Variants in C11orf65 observed in about 807,000 individuals in gnomAD.
C11orf65 encodes chromosome 11 open reading frame 65, also known as protein MFI.
Under a neutral mutation model 35.3 loss-of-function variants are expected in C11orf65, and 38 were observed. The ratio of observed to expected loss-of-function variants is 1.08; its 90% CI spans 0.83 to 1.41. The LOEUF (loss-of-function observed/expected upper bound fraction) is 1.41. Ranked by LOEUF, C11orf65 falls within the 40% of genes most tolerant of loss-of-function variation. The pLI, the probability that C11orf65 is intolerant of heterozygous loss-of-function variation, is 0.00. For missense variants in C11orf65, 370 were observed against 367.1 expected (o/e 1.01, Z -0.06); for synonymous variants, 105 against 114.4 (o/e 0.92, Z 0.53).
intron 2 of C11orf65, among the ~76,000 whole-genome samples, chr11:108,451,611 C>A (rs1262310478): frequency 2.0e-5 from 3 of 151,994 alleles, no homozygotes; most frequent in Middle Eastern, 3.2e-3. Flanking sequence ...ATGCCATCCC[C>A]ATCAAGCTAC....
chr11:108,410,301 T>C (rs1307408366), intron 3 of C11orf65, among the ~76,000 whole-genome samples: 1 of 152,240 alleles, frequency 6.6e-6, no homozygotes, highest in Non-Finnish European at 1.5e-5. Flanking sequence ...TGACTAACCA[T>C]GCTGAGCACC....
intron 2 of C11orf65, among the ~76,000 whole-genome samples, chr11:108,376,665 C>T (rs1162650028): frequency 2.0e-5 from 3 of 151,864 alleles, no homozygotes; most frequent in South Asian, 2.1e-4. Flanking sequence ...CACAAAAAAC[C>T]GTTCAAAAAA....
chr11:108,450,955 C>T (rs1268777577), intron 2 of C11orf65, among the ~76,000 whole-genome samples: 1 of 149,610 alleles, frequency 6.7e-6, no homozygotes, highest in Non-Finnish European at 1.5e-5. Flanking sequence ...TAAAATTCAA[C>T]AGCTCTTCAT....
chr11:108,337,428 G>A (rs776469911), intron 2 of C11orf65, among the ~76,000 whole-genome samples: 7 of 152,228 alleles, frequency 4.6e-5, no homozygotes, highest in Non-Finnish European at 7.3e-5. Flanking sequence ...ATGTGGTTAA[G>A]ATCATTGGTA....
chr11:108,364,661 T>A (rs918511507), intron 2 of C11orf65, among the ~76,000 whole-genome samples: 2 of 152,106 alleles, frequency 1.3e-5, no homozygotes, highest in Non-Finnish European at 2.9e-5. Flanking sequence ...AGGAGTGAGG[T>A]CCAAATAGGC....
intron 2 of C11orf65, 68 bp downstream of exon 2, chr11:108,461,410 AT>A: frequency 2.4e-6 from 3 of 1,258,666 alleles, no homozygotes; most frequent in Non-Finnish European, 3.4e-6. Context: ...AAAAAAAAAA[AT>A]TGAACTGTAC....
Position 108,365,133 on chromosome 11 carries a change from T to C in C11orf65, c.226+28075A>G, listed in dbSNP as rs775313366. ...CTGGACCATGAATCCTTTGAAAGCT[T>C]TGTATTTACAGCAGAGGCCGGAAGA... is the stretch of plus-strand genomic sequence containing the variant. On this transcript the variant is annotated intron_variant, in intron 2 of 3. Transcript: ENST00000524755. The C allele has an allele frequency of 1.9e-6, 3 of 1,614,206 alleles. No homozygotes were observed. Among genetic ancestry groups the C allele is most frequent in the Non-Finnish European group, 2.5e-6 (3 of 1,180,024 alleles).
chr11:108,357,882 G>C (rs1591337334), intron 2 of C11orf65, among the ~76,000 whole-genome samples: 1 of 151,378 alleles, frequency 6.6e-6, no homozygotes, highest in East Asian at 1.9e-4. Flanking sequence ...CTAAAACGCA[G>C]AGCACCTCTC....
At chr11:108,425,555 T>C (rs949897165) in intron 3 of C11orf65, among the ~76,000 whole-genome samples, 2 of 152,182 alleles carry the variant, frequency 1.3e-5, no homozygotes, top group African/African-American at 4.8e-5. Context: ...CACAGCTGAA[T>C]TCTACCAGAG....
chr11:108,440,330 G>A (rs976552969), intron 2 of C11orf65, among the ~76,000 whole-genome samples: 2 of 152,170 alleles, frequency 1.3e-5, no homozygotes, highest in African/African-American at 2.4e-5. Context: ...TATGGGTTAC[G>A]AATTCTGGTA....
At chr11:108,429,212 A>G (rs1195959732) in intron 3 of C11orf65, among the ~76,000 whole-genome samples, 3 of 152,184 alleles carry the variant, frequency 2.0e-5, no homozygotes. Context: ...GAAAATATTG[A>G]TAAATTGAAC....
At chr11:108,429,465 G>A (rs1174605489) in intron 3 of C11orf65, among the ~76,000 whole-genome samples, 1 of 152,064 alleles carries the variant, frequency 6.6e-6, no homozygotes, top group East Asian at 1.9e-4. Context: ...AAGCCACAGA[G>A]TGAAAAAAAG....
chr11:108,348,300 GAA>G (rs1430440370), intron 2 of C11orf65, among the ~76,000 whole-genome samples: 1 of 151,086 alleles, frequency 6.6e-6, no homozygotes, highest in Admixed American at 6.6e-5. Flanking sequence ...TAAATAATAA[GAA>G]AGTGATGAAT....
In C11orf65 at chr11:108,426,677, A is replaced by C. The variant is rs566884573; in HGVS notation, c.174+5069T>G. Reference sequence around the variant, plus strand: ...AAATTTCATATGGAACCAAAAAAAAAACCTGTATAGCCAAGACAATCCTAA... The same window carrying C: ...AAATTTCATATGGAACCAAAAAAAACACCTGTATAGCCAAGACAATCCTAA... On this transcript the variant is annotated intron_variant, in intron 3 of 8. Coordinates refer to ENST00000393084, the MANE Select transcript of C11orf65 (RefSeq NM_152587.5). Among the ~76,000 whole-genome samples the C allele has an allele frequency of 2.6e-5, 4 of 152,238 alleles. No homozygotes were observed. In the East Asian group the frequency reaches 7.7e-4, roughly 29 times the overall value.
intron 1 of C11orf65, among the ~76,000 whole-genome samples, chr11:108,461,895 G>T (rs898909317): frequency 5.3e-5 from 8 of 151,862 alleles, no homozygotes; most frequent in African/African-American, 7.3e-5. Context: ...TGCTGGGATT[G>T]TAAGCGTGAG....
Position 108,408,716 on chromosome 11 carries a change from A to C in C11orf65, c.175-1567T>G, listed in dbSNP as rs1419192892. 2.2e-3 allele frequency among the ~76,000 whole-genome samples: 290 copies of C among 134,450 alleles called. 6 individuals carry two copies. Among genetic ancestry groups the C allele is most frequent in the African/African-American group, 7.8e-3 (259 of 33,164 alleles). 88.2% of individuals were successfully genotyped at this position (134,450 alleles called of 152,430 possible). Reference sequence around the variant, plus strand: ...AATAAAATAAAATAAAATAAAATAAAATAAAATAAAATAAAATGATATAAG... The same window carrying C: ...AATAAAATAAAATAAAATAAAATAACATAAAATAAAATAAAATGATATAAG... On this transcript the variant is annotated intron_variant, in intron 3 of 8. Coordinates refer to ENST00000393084, the MANE Select transcript of C11orf65 (RefSeq NM_152587.5).
At chr11:108,459,776 T>C (rs1013981664) in intron 2 of C11orf65, among the ~76,000 whole-genome samples, 41 of 112,460 alleles carry the variant, frequency 3.6e-4, no homozygotes, top group South Asian at 1.2e-3. Context: ...CACACCTCTT[T>C]ATTTACATGG....
chr11:108,421,938 T>C (rs966596413), intron 3 of C11orf65, among the ~76,000 whole-genome samples: 3 of 152,182 alleles, frequency 2.0e-5, no homozygotes, highest in Non-Finnish European at 2.9e-5. Flanking sequence ...CTGATGGTTA[T>C]TCTTTTTTTT....
upstream of C11orf65, among the ~76,000 whole-genome samples, chr11:108,469,637 T>C (rs1279780598): frequency 6.6e-6 from 1 of 152,122 alleles, no homozygotes; most frequent in African/African-American, 2.4e-5. Flanking sequence ...ATGTTACCTC[T>C]AACCTGATCC....
Sources: allele counts gnomAD v4.1 joint callset (sites outside exome capture counted in the v4.1 genomes callset), GRCh38; gene constraint gnomAD v4.1.1; transcripts MANE v1.5; gene names NCBI Gene and HGNC (gene_info 2026-07-23, HGNC 2026-07-21).